CAPZB: variants seen among roughly 807,000 people sequenced by gnomAD.
CAPZB encodes the protein capping actin protein of muscle Z-line subunit beta.
CAPZB carries 2 observed loss-of-function variants against 38.1 expected under a neutral mutation model. The ratio of observed to expected loss-of-function variants is 0.05; its 90% confidence interval spans 0.02 to 0.17. CAPZB has a LOEUF of 0.17. Ranked by LOEUF, CAPZB falls within the 10% of genes least tolerant of loss-of-function variation. The probability of loss-of-function intolerance (pLI) is 1.00; values close to 1 mark genes in which losing one functional copy is unlikely to be tolerated. For synonymous variants in CAPZB, 107 were observed against 127.4 expected, an observed-to-expected ratio of 0.84 and a Z score of 1.08; for missense variants, 161 against 334.2, an observed-to-expected ratio of 0.48 and a Z score of 4.04.
intron 2 of CAPZB, among the ~76,000 whole-genome samples, chr1:19,392,603 G>A (rs1355975714): frequency 3.3e-5 from 5 of 151,094 alleles, no homozygotes; most frequent in African/African-American, 1.2e-4. Flanking sequence ...CTGGGCAACA[G>A]GGCAAGACTC....
intron 1 of CAPZB, among the ~76,000 whole-genome samples, chr1:19,438,031 C>T (rs1200454783): frequency 6.6e-6 from 1 of 152,114 alleles, no homozygotes; most frequent in African/African-American, 2.4e-5. Context: ...TCCAGTAGTG[C>T]CCCAGACGAG....
chr1:19,355,158 AGAT>A (rs1277223870), intron 6 of CAPZB, among the ~76,000 whole-genome samples: 2 of 152,184 alleles, frequency 1.3e-5, no homozygotes, highest in East Asian at 3.8e-4. Flanking sequence ...CAATGCATGT[AGAT>A]GTTGTTGTAA....
chr1:19,342,695 G>C, intron 8 of CAPZB: 1 of 1,073,914 alleles, frequency 9.3e-7, no homozygotes, highest in South Asian at 1.3e-5. Context: ...CAGGGTCTCG[G>C]CGGGTTGGTG....
At chr1:19,366,692 A>G (rs1215409041) in intron 4 of CAPZB, among the ~76,000 whole-genome samples, 1 of 148,414 alleles carries the variant, frequency 6.7e-6, no homozygotes, top group East Asian at 2.1e-4. Context: ...CCATCTCAAA[A>G]GAAACAACAA....
At chr1:19,358,703 G>A (rs1373304407) in intron 4 of CAPZB, among the ~76,000 whole-genome samples, 7 of 152,218 alleles carry the variant, frequency 4.6e-5, no homozygotes, top group Admixed American at 1.3e-4. Context: ...TAGCCTCTCC[G>A]ACCCCAATTA....
At chr1:19,342,189 T>C (rs1261891943) in intron 8 of CAPZB, among the ~76,000 whole-genome samples, 2 of 152,220 alleles carry the variant, frequency 1.3e-5, no homozygotes, top group Non-Finnish European at 2.9e-5. Flanking sequence ...TCCAGGCAGC[T>C]CCAGCAGAGC....
intron 3 of CAPZB, among the ~76,000 whole-genome samples, chr1:19,384,073 T>C (rs2094190960): frequency 6.6e-6 from 1 of 152,222 alleles, no homozygotes; most frequent in African/African-American, 2.4e-5. Context: ...TATAAGTCAG[T>C]ATTAAACTTT....
chr1:19,364,165 G>C (rs1406481958), intron 4 of CAPZB, among the ~76,000 whole-genome samples: 1 of 152,170 alleles, frequency 6.6e-6, no homozygotes, highest in Non-Finnish European at 1.5e-5. Flanking sequence ...TAAAGCCAAG[G>C]GAAAGGCAAT....
At chr1:19,423,262 T>G (rs1336108736) in intron 1 of CAPZB, among the ~76,000 whole-genome samples, 1 of 152,210 alleles carries the variant, frequency 6.6e-6, no homozygotes, top group Non-Finnish European at 1.5e-5. Flanking sequence ...GAAAGCTTAA[T>G]GACAGCTTTT....
chr1:19,466,740 T>C (rs116466639), intron 1 of CAPZB, among the ~76,000 whole-genome samples: 2,259 of 152,264 alleles, frequency 0.015, 30 homozygotes, highest in Middle Eastern at 0.037. Flanking sequence ...TGCAGGCCAA[T>C]GGGGTTTAAG....
At chr1:19,448,088 G>A (rs58952060) in intron 1 of CAPZB, among the ~76,000 whole-genome samples, 37,889 of 152,080 alleles carry the variant, frequency 0.25, 4,881 homozygotes, top group Non-Finnish European at 0.27. Flanking sequence ...CTTTTCTTTC[G>A]GAGGAAAATT....
At chr1:19,340,762 C>G (rs1004179590) in intron 8 of CAPZB, among the ~76,000 whole-genome samples, 1 of 152,130 alleles carries the variant, frequency 6.6e-6, no homozygotes, top group African/African-American at 2.4e-5. Flanking sequence ...AGAGGAATGC[C>G]CCCCTAGCAA....
At chr1:19,476,127 C>G (rs2100797813) in intron 1 of CAPZB, among the ~76,000 whole-genome samples, 1 of 152,094 alleles carries the variant, frequency 6.6e-6, no homozygotes, top group African/African-American at 2.4e-5. Flanking sequence ...AGTTCGAGAC[C>G]AGCCTGGGCA....
At chr1:19,444,053 G>A (rs548385202) in intron 1 of CAPZB, among the ~76,000 whole-genome samples, 1 of 152,186 alleles carries the variant, frequency 6.6e-6, no homozygotes, top group African/African-American at 2.4e-5. Flanking sequence ...AGCTACTCAG[G>A]GGGCTGAGGC....
At chr1:19,396,845 C>G (rs1248968630) in intron 2 of CAPZB, among the ~76,000 whole-genome samples, 1 of 151,050 alleles carries the variant, frequency 6.6e-6, no homozygotes, top group Non-Finnish European at 1.5e-5. Flanking sequence ...CCCAGCTACT[C>G]AGGAGACTAA....
At chr1:19,464,583 C>T (rs563511380) in intron 1 of CAPZB, among the ~76,000 whole-genome samples, 2 of 152,200 alleles carry the variant, frequency 1.3e-5, no homozygotes, top group East Asian at 3.9e-4. Context: ...TAAGCCACCG[C>T]ACCCGGCCCT....
intron 1 of CAPZB, among the ~76,000 whole-genome samples, chr1:19,432,903 C>T (rs530331992): frequency 6.6e-6 from 1 of 152,200 alleles, no homozygotes; most frequent in Non-Finnish European, 1.5e-5. Context: ...CCGGGATGAA[C>T]AAATTATGGA....
At position 19,416,889 on chromosome 1, in the gene CAPZB, G is replaced by A. The variant is rs1484432527; in HGVS notation, c.93+2772C>T. Among the ~76,000 whole-genome samples, 290 of 71,086 alleles carry A rather than the reference G, an allele frequency of 4.1e-3. 1 individual carries two copies. Among genetic ancestry groups the A allele is most frequent in the Non-Finnish European group, 5.7e-3 (194 of 33,806 alleles). 46.6% of individuals were successfully genotyped at this position (71,086 alleles called of 152,430 possible). On this transcript the variant is annotated intron_variant, in intron 2 of 8. Coordinates refer to ENST00000264202, the MANE Select transcript of CAPZB (RefSeq NM_004930.5). ...AAAAAAAAAAAAAAAAAAAAAAAAA[G>A]TATGCTCTGACAGTAATCTATAGAA...
chr1:19,384,160 G>A (rs917387836), intron 3 of CAPZB, among the ~76,000 whole-genome samples: 6 of 152,112 alleles, frequency 3.9e-5, no homozygotes, highest in African/African-American at 1.4e-4. Flanking sequence ...AAATAACCCT[G>A]TGCTAACTTT....
Sources: gnomAD v4.1 joint callset for allele counts (sites outside exome capture counted in the v4.1 genomes callset) on GRCh38, gnomAD v4.1.1 for gene constraint, MANE v1.5 for transcripts, NCBI Gene and HGNC (gene_info 2026-07-23, HGNC 2026-07-21) for gene names.